CALN1: variants seen among roughly 807,000 people sequenced by gnomAD.
The protein encoded by CALN1 is calcium-binding protein 8.
A neutral mutation model predicts 30.6 loss-of-function variants in CALN1; 17 were observed. The ratio of observed to expected loss-of-function variants is 0.56; its 90% CI spans 0.38 to 0.83. The LOEUF (loss-of-function observed/expected upper bound fraction) is 0.83. Ranked by LOEUF, CALN1 falls within the 40% of genes least tolerant of loss-of-function variation. The probability of loss-of-function intolerance (pLI) is 0.00; values close to 1 mark genes in which losing one functional copy is unlikely to be tolerated. For synonymous variants in CALN1, 156 were observed against 131.4 expected, an observed-to-expected ratio of 1.19 and a Z score of -1.28; for missense variants, 291 against 354.9, an observed-to-expected ratio of 0.82 and a Z score of 1.45.
the CALN1 span, among the ~76,000 whole-genome samples, chr7:72,472,343 G>A: frequency 1.3e-5 from 2 of 152,048 alleles, no homozygotes; most frequent in Non-Finnish European, 2.9e-5. Flanking sequence ...AGTTGCCCCC[G>A]GCACAATATC....
At chr7:71,835,109 G>A (rs561243206) in intron 5 of CALN1, among the ~76,000 whole-genome samples, 1 of 152,298 alleles carries the variant, frequency 6.6e-6, no homozygotes, top group Admixed American at 6.5e-5. Context: ...AATGTGCTGG[G>A]ATTACAGGAA....
intron 2 of CALN1, among the ~76,000 whole-genome samples, chr7:72,320,310 AG>A (rs1800783268): frequency 6.6e-6 from 1 of 152,168 alleles, no homozygotes; most frequent in African/African-American, 2.4e-5. Context: ...CATTCAGGCA[AG>A]GGTAAGTCCC....
chr7:72,317,056 G>A lies in CALN1; in HGVS notation c.120-38246C>T, dbSNP rs191515841. Among the ~76,000 whole-genome samples the A allele has an allele frequency of 1.4e-3, 196 of 135,228 alleles. 1 individual carries two copies. Among genetic ancestry groups the A allele is most frequent in the African/African-American group, 5.6e-3 (180 of 32,226 alleles). 88.7% of individuals were successfully genotyped at this position (135,228 alleles called of 152,430 possible). On this transcript the variant is annotated intron_variant, in intron 2 of 6. Coordinates refer to ENST00000395275, the MANE Select transcript of CALN1 (RefSeq NM_031468.4). The stretch of plus-strand genomic sequence containing the variant: ...AGGAGGGAAGAGAGAGAGAGAAAGA[G>A]AGAGAGAGAAAGAGAGACACAGAAA...
At chr7:72,371,237 A>C (rs1464907793) in intron 2 of CALN1, among the ~76,000 whole-genome samples, 1 of 152,124 alleles carries the variant, frequency 6.6e-6, no homozygotes, top group Non-Finnish European at 1.5e-5. Flanking sequence ...TCTGTGATCC[A>C]TTTTGAATTA....
chr7:72,422,426 T>C (rs1318988984), intron 1 of CALN1, among the ~76,000 whole-genome samples: 1 of 152,198 alleles, frequency 6.6e-6, no homozygotes, highest in Non-Finnish European at 1.5e-5. Flanking sequence ...TGGCTGTTTA[T>C]TTTGATGAAG....
At chr7:72,101,829 G>A (rs567959405) in intron 4 of CALN1, among the ~76,000 whole-genome samples, 3 of 152,002 alleles carry the variant, frequency 2.0e-5, no homozygotes, top group Non-Finnish European at 4.4e-5. Flanking sequence ...ACCTGGGCAC[G>A]CCAAAAGCCC....
At chr7:72,181,209 T>C (rs4529346) in intron 3 of CALN1, among the ~76,000 whole-genome samples, 105,425 of 146,750 alleles carry the variant, frequency 0.72, 38,517 homozygotes, top group East Asian at 1. Context: ...GTTAGAAACT[T>C]ATTGGAATAT....
chr7:72,353,132 C>A (rs1803027201), intron 2 of CALN1, among the ~76,000 whole-genome samples: 1 of 152,154 alleles, frequency 6.6e-6, no homozygotes, highest in Non-Finnish European at 1.5e-5. Context: ...ACAAATTCCT[C>A]TGTGCCCAGA....
chr7:72,381,392 T>A (rs1804890137), intron 2 of CALN1, among the ~76,000 whole-genome samples: 1 of 152,150 alleles, frequency 6.6e-6, no homozygotes. Context: ...CACATGTATG[T>A]TTACTGCAGC....
At chr7:72,114,312 G>T (rs1807812225) in intron 3 of CALN1, among the ~76,000 whole-genome samples, 1 of 140,828 alleles carries the variant, frequency 7.1e-6, no homozygotes, top group African/African-American at 2.5e-5. Context: ...GGGAAGGGAA[G>T]GCAACACTGT....
At chr7:71,920,630 C>T (rs550890987) in intron 5 of CALN1, among the ~76,000 whole-genome samples, 40 of 152,218 alleles carry the variant, frequency 2.6e-4, no homozygotes, top group Middle Eastern at 3.4e-3. Context: ...CCACAGCACC[C>T]GGCCGACAAA....
In CALN1 at chr7:71,784,517, G is replaced by C. The variant is rs187953987; in HGVS notation, c.*3258C>G. The C allele has an allele frequency of 1.2e-4, 36 of 297,794 alleles. No individual in the cohort carries two copies. In the Admixed American group the frequency reaches 1.3e-3, roughly 11 times the overall value. 18.4% of individuals were successfully genotyped at this position (297,794 alleles called of 1,614,324 possible). ...AGTCCCGATGCTAGATTCTGTCTGG[G>C]GGCTTTGTGGGTATCTGGAAAGGTG... On this transcript the variant is annotated 3_prime_UTR_variant, in exon 7 of 7. Transcript: ENST00000395275.
intron 6 of CALN1, among the ~76,000 whole-genome samples, chr7:71,805,663 G>A (rs749841606): frequency 1.3e-5 from 2 of 150,168 alleles, no homozygotes; most frequent in Admixed American, 6.6e-5. Context: ...AGGTCAGCTC[G>A]TTTTCCAACT....
Position 71,809,164 on chromosome 7 carries a change from T to C in CALN1, c.658+1172A>G, listed in dbSNP as rs180970024. On this transcript the variant is annotated intron_variant, in intron 6 of 6. Transcript: ENST00000395275. ...CTTTCTGTTTTGCAACAGACTCCAC[T>C]ACTCCCTCTCTCCCACTGTTTGCAA... Among the ~76,000 whole-genome samples the C allele has an allele frequency of 3.0e-4, 46 of 152,234 alleles. No individual in the cohort carries two copies. The East Asian group carries it at 8.7e-3, about 29-fold the overall frequency.
chr7:72,384,408 A>G (rs1208268708), intron 2 of CALN1, among the ~76,000 whole-genome samples: 2 of 152,246 alleles, frequency 1.3e-5, no homozygotes, highest in Non-Finnish European at 2.9e-5. Context: ...TTAAAAAGGT[A>G]AAGAAGAGAG....
intron 5 of CALN1, among the ~76,000 whole-genome samples, chr7:71,916,876 T>C (rs1794711203): frequency 6.6e-6 from 1 of 152,214 alleles, no homozygotes; most frequent in Non-Finnish European, 1.5e-5. Flanking sequence ...ACTGAGTTTC[T>C]TTCCCTGGGC....
chr7:72,232,586 A>G (rs972796750), intron 3 of CALN1, among the ~76,000 whole-genome samples: 1 of 150,942 alleles, frequency 6.6e-6, no homozygotes, highest in African/African-American at 2.4e-5. Flanking sequence ...TCAGCCTCCC[A>G]AACAGCTGGG....
At chr7:71,897,268 A>G (rs1371659774) in intron 5 of CALN1, among the ~76,000 whole-genome samples, 2 of 152,160 alleles carry the variant, frequency 1.3e-5, no homozygotes, top group East Asian at 3.8e-4. Context: ...TATTTTAGTG[A>G]GAATTTGGGA....
chr7:72,204,284 C>T (rs180942167), intron 3 of CALN1, among the ~76,000 whole-genome samples: 227 of 151,868 alleles, frequency 1.5e-3, no homozygotes, highest in Non-Finnish European at 2.5e-3. Context: ...TGTGAGCCAC[C>T]GCACCCAGCC....
Sources: allele counts gnomAD v4.1 joint callset (sites outside exome capture counted in the v4.1 genomes callset), GRCh38; gene constraint gnomAD v4.1.1; transcripts MANE v1.5; gene names NCBI Gene and HGNC (gene_info 2026-07-23, HGNC 2026-07-21).